AMH: variants seen among roughly 807,000 people sequenced by gnomAD.
The protein encoded by AMH is anti-Muellerian hormone.
AMH carries 39 observed loss-of-function variants against 33.3 expected under a neutral mutation model. The ratio of observed to expected loss-of-function variants is 1.17; its 90% confidence interval spans 0.91 to 1.53. AMH has a LOEUF of 1.53. Among genes scored for constraint, AMH ranks in the 40% most tolerant of loss-of-function variants. AMH has a pLI of 0.00. For missense variants in AMH, 1,019 were observed against 799.8 expected, an observed-to-expected ratio of 1.27 and a Z score of -3.30; for synonymous variants, 536 against 403.0, an observed-to-expected ratio of 1.33 and a Z score of -3.95.
Position 2,251,827 on chromosome 19 carries a change from C to T in AMH, c.1553C>T (p.Ala518Val), listed in dbSNP as rs2025053238. 1.2e-6 allele frequency: 2 copies of T among 1,602,072 alleles called. No individual in the cohort carries two copies. The highest frequency in any genetic ancestry group is 1.7e-6 in the Non-Finnish European group (2 of 1,178,298). ...VLLLKMQVRG[A>V]ALARPPCCVP... The stretch of plus-strand genomic sequence containing the variant: ...CTGCTGAAGATGCAGGTCCGTGGGG[C>T]CGCCCTGGCGCGCCCACCCTGCTGC... The change falls in exon 5 of 5, where the codon GCC becomes GTC. Residue 518 changes from alanine to valine, a missense_variant. Physicochemically the swap from Ala to Val is moderately conservative, Grantham distance 64. Transcript: ENST00000221496.
rs72344425 is a variant in AMH at position 2,250,000 on chromosome 19, ACGACGCAGGGCTCGGGGC to A, written c.412+258_412+275del. The A allele has an allele frequency of 3.2e-3, 1,983 of 615,530 alleles. 10 individuals carry two copies. The highest frequency in any genetic ancestry group is 7.7e-3 in the East Asian group (278 of 36,130). The allele number at this position is 615,530 out of a possible 1,614,324, so 38.1% of individuals were successfully genotyped here. ...TGCTGCCTTCTCCCCACCCCTGAAG[ACGACGCAGGGCTCGGGGC>A]CAGTGGAACCCTTCTTCCCACAGCC... On this transcript the variant is annotated intron_variant, in intron 1 of 4. Coordinates refer to ENST00000221496, the MANE Select transcript of AMH (RefSeq NM_000479.5).
chr19:2,251,152 C>A lies in AMH; in HGVS notation c.878C>A (p.Thr293Lys). Reference protein sequence around the residue: ...SPPSADPFLETLTRLVRALRV... With the variant: ...SPPSADPFLEKLTRLVRALRV... Reference sequence around the variant, plus strand: ...CCCAGCGCAGACCCCTTCCTGGAGACGCTCACGCGCCTGGTGCGGGCGCTG... The same window carrying A: ...CCCAGCGCAGACCCCTTCCTGGAGAAGCTCACGCGCCTGGTGCGGGCGCTG... Residue 293 changes from threonine (T) to lysine (K), a missense_variant, in exon 5 of 5, where the codon ACG (threonine) becomes AAG (lysine). Thr to Lys is a moderately conservative substitution (Grantham distance 78). Transcript: ENST00000221496. 6.5e-7 allele frequency: 1 copy of A among 1,526,902 alleles called. No homozygotes were observed. The highest frequency in any genetic ancestry group is 1.4e-5 in the African/African-American group (1 of 71,078). 94.6% of individuals were successfully genotyped at this position (1,526,902 alleles called of 1,614,324 possible). A position where few individuals can be genotyped will look rare whatever the true frequency, so the allele number is the denominator to read the frequency against.
Position 2,249,651 on chromosome 19 carries a change from G to T in AMH, c.319G>T (p.Asp107Tyr), listed in dbSNP as rs1438510393. The T allele has an allele frequency of 2.0e-6, 3 of 1,515,904 alleles. No individual in the cohort carries two copies. Among genetic ancestry groups the T allele is most frequent in the Non-Finnish European group, 2.6e-6 (3 of 1,135,394 alleles). 93.9% of individuals were successfully genotyped at this position (1,515,904 alleles called of 1,614,324 possible). Residue 107 changes from aspartate (D) to tyrosine (Y), a missense_variant, in exon 1 of 5, where the codon GAC (aspartate) becomes TAC (tyrosine). Physicochemically the swap from Asp to Tyr is radical, Grantham distance 160. Transcript: ENST00000221496. ...CACCTTCGGGGTCTGCAACACCGGT[G>T]ACAGGCAGGCTGCCTTGCCCTCTCT... ...LATFGVCNTG[D>Y]RQAALPSLRR...
chr19:2,249,817 CA>C, intron 1 of AMH, 73 bp downstream of exon 1: 2 of 1,413,206 alleles, frequency 1.4e-6, no homozygotes, highest in Non-Finnish European at 9.3e-7. Context: ...TAGGGAAGAT[CA>C]GGGGCTGGCA....
intron 1 of AMH, chr19:2,250,128 G>A (rs2025002678): frequency 1.3e-6 from 1 of 794,062 alleles, no homozygotes; most frequent in Non-Finnish European, 2.0e-6. Flanking sequence ...AGACCCCAGG[G>A]CGGCAGCCCC....
intron 2 of AMH, 50 bp from the exon 3 acceptor site, chr19:2,250,602 C>A (rs1183350688): frequency 3.9e-6 from 6 of 1,536,078 alleles, no homozygotes; most frequent in Non-Finnish European, 5.2e-6. Context: ...ACCGGTAGAG[C>A]GGGGCTGGGT....
intron 1 of AMH, 26 bp from the exon 2 acceptor site, chr19:2,250,309 CAG>C: frequency 6.3e-7 from 1 of 1,581,288 alleles, no homozygotes; most frequent in Non-Finnish European, 8.5e-7. Flanking sequence ...TTCAATGGCT[CAG>C]GCGTCCCCTG....
rs1486307422 is a variant in AMH, at chr19:2,251,008, G to C, written c.824G>C (p.Arg275Thr). ...QLDTVPFPPP[R>T]PSAELEESPP... ...GACACCGTGCCCTTCCCGCCGCCCAGGTGCGCGCAGGCACCGGGACACGGG... is the reference window on the plus strand; with the variant it reads ...GACACCGTGCCCTTCCCGCCGCCCACGTGCGCGCAGGCACCGGGACACGGG... Residue 275 changes from arginine (R) to threonine (T), a missense_variant and splice_region_variant, in exon 4 of 5, where the codon AGG becomes ACG. By Grantham distance (71) the Arg-to-Thr change is moderately conservative (BLOSUM62 -1). Coordinates refer to ENST00000221496, the MANE Select transcript of AMH (RefSeq NM_000479.5). The C allele has an allele frequency of 3.3e-6, 5 of 1,514,858 alleles. No individual in the cohort carries two copies. In the South Asian group the frequency reaches 4.9e-5, roughly 15 times the overall value. 93.8% of individuals were successfully genotyped at this position (1,514,858 alleles called of 1,614,324 possible).
chr19:2,249,531 A>G lies in AMH; in HGVS notation c.199A>G (p.Ser67Gly). Residue 67 changes from serine to glycine, a missense_variant, in exon 1 of 5, where the codon AGC becomes GGC. Ser to Gly is a moderately conservative substitution (Grantham distance 56). Coordinates refer to ENST00000221496, the MANE Select transcript of AMH (RefSeq NM_000479.5). ...ACTGGGCGGGGACAGCAATGGCAGC[A>G]GCTCCCCCCTGCGGGTGGTGGGGGC... is the stretch of plus-strand genomic sequence containing the variant. ...VALGGDSNGS[S>G]SPLRVVGALS... 1 of 1,600,838 alleles carries G rather than the reference A, an allele frequency of 6.2e-7. No homozygotes were observed. The highest frequency in any genetic ancestry group is 8.5e-7 in the Non-Finnish European group (1 of 1,175,514).
At chr19:2,250,132 C>T (rs1316008214) in intron 1 of AMH, 5 of 823,064 alleles carry the variant, frequency 6.1e-6, no homozygotes, top group Middle Eastern at 7.1e-4. Context: ...CCCAGGGCGG[C>T]AGCCCCACCC....
Position 2,251,975 on chromosome 19 carries a change from C to T in AMH, c.*18C>T. On this transcript the variant is annotated 3_prime_UTR_variant, in exon 5 of 5. Coordinates refer to ENST00000221496, the MANE Select transcript of AMH (RefSeq NM_000479.5). The stretch of plus-strand genomic sequence containing the variant: ...GCCGGTGACCCCTGCGCCGCGCGGA[C>T]TCCTGCCCCGAGGGTCCGGACGCGC... 1 of 1,536,672 alleles carries T rather than the reference C, an allele frequency of 6.5e-7. No homozygotes were observed.
rs551326653 is a variant in AMH, at chr19:2,251,115, G to A, written c.841G>A (p.Glu281Lys). Residue 281 changes from glutamate (E) to lysine (K), a missense_variant, in exon 5 of 5, where the codon GAG becomes AAG. Physicochemically the swap from Glu to Lys is moderately conservative, Grantham distance 56. Coordinates refer to ENST00000221496, the MANE Select transcript of AMH (RefSeq NM_000479.5). ...GGGTTCCAGGCCATCCGCGGAACTC[G>A]AGGAGTCGCCACCCAGCGCAGACCC... ...FPPPRPSAEL[E>K]ESPPSADPFL... The A allele has an allele frequency of 6.5e-7, 1 of 1,542,672 alleles. No homozygotes were observed. Among genetic ancestry groups the A allele is most frequent in the South Asian group, 1.2e-5 (1 of 84,210 alleles).
rs778719907 is a variant in AMH, at chr19:2,251,894, G to A, written c.1620G>A (p.Ser540=). 2.5e-5 allele frequency: 40 copies of A among 1,575,126 alleles called. No homozygotes were observed. The Admixed American group carries it at 6.5e-4, about 26-fold the overall frequency. ...CGGGCAAGCTGCTCATCAGCCTGTCGGAGGAGCGCATCAGCGCGCACCACG... is the reference window on the plus strand; with the variant it reads ...CGGGCAAGCTGCTCATCAGCCTGTCAGAGGAGCGCATCAGCGCGCACCACG... ...AYAGKLLISL[S]EERISAHHVP... The change falls in exon 5 of 5, where the codon TCG becomes TCA. Residue 540 remains serine (S), a synonymous_variant. Coordinates refer to ENST00000221496, the MANE Select transcript of AMH (RefSeq NM_000479.5).
chr19:2,250,609 G>T, intron 2 of AMH, 43 bp from the exon 3 acceptor site: 1 of 1,536,938 alleles, frequency 6.5e-7, no homozygotes, highest in South Asian at 1.2e-5. Context: ...GAGCGGGGCT[G>T]GGTAAGCCTC....
At position 2,249,698 on chromosome 19, in the gene AMH, G is replaced by T. The variant is rs780627703; in HGVS notation, c.366G>T (p.Leu122=). 1.3e-6 allele frequency: 2 copies of T among 1,504,270 alleles called. No homozygotes were observed. Among genetic ancestry groups the T allele is most frequent in the African/African-American group, 2.8e-5 (2 of 71,596 alleles). 93.2% of individuals were successfully genotyped at this position (1,504,270 alleles called of 1,614,324 possible). Residue 122 remains leucine, a synonymous_variant, in exon 1 of 5, where the codon CTG becomes CTT. Transcript: ENST00000221496. The part of the protein sequence containing the change: ...LPSLRRLGAW[L]RDPGGQRLVV... ...CTCTACGGCGGCTGGGGGCCTGGCT[G>T]CGGGACCCTGGGGGGCAGCGCCTGG...
Position 2,249,601 on chromosome 19 carries a change from C to T in AMH, c.269C>T (p.Ala90Val), listed in dbSNP as rs1421371734. Residue 90 changes from alanine (A) to valine (V), a missense_variant, in exon 1 of 5, where the codon GCC (alanine) becomes GTC (valine). By Grantham distance (64) the Ala-to-Val change is moderately conservative. Coordinates refer to ENST00000221496, the MANE Select transcript of AMH (RefSeq NM_000479.5). Reference sequence around the variant, plus strand: ...GCCTTCCTGGGGGCCGTGCAGAGGGCCCGCTGGGGCCCCCGAGACCTGGCC... The same window carrying T: ...GCCTTCCTGGGGGCCGTGCAGAGGGTCCGCTGGGGCCCCCGAGACCTGGCC... ...EQAFLGAVQR[A>V]RWGPRDLATF... 1.3e-6 allele frequency: 2 copies of T among 1,547,804 alleles called. No individual in the cohort carries two copies. Among genetic ancestry groups the T allele is most frequent in the East Asian group, 4.8e-5 (2 of 42,050 alleles).
In AMH at chr19:2,250,486, G is replaced by A; in HGVS notation, c.555+7G>A. ...TGGGCTGCCGGGTGCCCAGGTACCA[G>A]GGAGTTGCATGGGGCAGTGCCCGGG... On this transcript the variant is annotated splice_region_variant and intron_variant, in intron 2 of 4. Coordinates refer to ENST00000221496, the MANE Select transcript of AMH (RefSeq NM_000479.5). 6.5e-7 allele frequency: 1 copy of A among 1,547,628 alleles called. No homozygotes were observed. The highest frequency in any genetic ancestry group is 8.7e-7 in the Non-Finnish European group (1 of 1,147,006).
Position 2,251,028 on chromosome 19 carries a change from C to A in AMH, c.824+20C>A, listed in dbSNP as rs1008450940. 3.3e-6 allele frequency: 5 copies of A among 1,519,434 alleles called. No homozygotes were observed. The African/African-American group carries it at 7.1e-5, about 22-fold the overall frequency. The allele number at this position is 1,519,434 out of a possible 1,614,324, so 94.1% of individuals were successfully genotyped here. Reference sequence around the variant, plus strand: ...GCCCAGGTGCGCGCAGGCACCGGGACACGGGGCAGGAGCGGGCGGGGGCGG... The same window carrying A: ...GCCCAGGTGCGCGCAGGCACCGGGAAACGGGGCAGGAGCGGGCGGGGGCGG... On this transcript the variant is annotated intron_variant, in intron 4 of 4. Coordinates refer to ENST00000221496, the MANE Select transcript of AMH (RefSeq NM_000479.5).
In AMH at chr19:2,251,723, C is replaced by T; in HGVS notation, c.1449C>T (p.Tyr483=). 6.2e-7 allele frequency: 1 copy of T among 1,611,880 alleles called. No individual in the cohort carries two copies. Among genetic ancestry groups the T allele is most frequent in the Non-Finnish European group, 8.5e-7 (1 of 1,179,596 alleles). The change falls in exon 5 of 5, where the codon TAC becomes TAT. Residue 483 remains tyrosine, a synonymous_variant. Transcript: ENST00000221496. ...GCTCCGTACTCATCCCCGAGACCTA[C>T]CAGGCCAACAATTGCCAGGGCGTGT... ...AERSVLIPET[Y]QANNCQGVCG...
Sources: gnomAD v4.1 joint callset for allele counts on GRCh38, gnomAD v4.1.1 for gene constraint, MANE v1.5 for transcripts, NCBI Gene and HGNC (gene_info 2026-07-23, HGNC 2026-07-21) for gene names.